ARMH4: variants seen among roughly 807,000 people sequenced by gnomAD.
The protein encoded by ARMH4 is armadillo like helical domain containing 4.
Under a neutral mutation model 61.9 loss-of-function variants are expected in ARMH4, and 49 were observed. The observed-to-expected ratio is 0.79, with a 90% CI of 0.63 to 1.00. The LOEUF is 1.00. ARMH4 is among the 50% of genes least tolerant of loss of function. The probability of loss-of-function intolerance (pLI) is 0.00; values close to 1 mark genes in which losing one functional copy is unlikely to be tolerated. For synonymous variants in ARMH4, 368 were observed against 341.5 expected (o/e 1.08, Z -0.85); for missense variants, 934 against 930.0 (o/e 1.00, Z -0.06).
At position 58,149,079 on chromosome 14, in the gene ARMH4, C is replaced by T. The variant is rs1233654376; in HGVS notation, c.-57+2996G>A. ...CTTTGTCCTTTTCATGACCATTCCT[C>T]AATGATTAATTTATCATTGTCTTAC... is the stretch of plus-strand genomic sequence containing the variant. On this transcript the variant is annotated intron_variant, in intron 1 of 7. Coordinates refer to ENST00000267485, the MANE Select transcript of ARMH4 (RefSeq NM_001001872.4). Among the ~76,000 whole-genome samples, 4 of 152,174 alleles carry T rather than the reference C, an allele frequency of 2.6e-5. No individual in the cohort carries two copies. In the South Asian group the frequency reaches 6.2e-4, roughly 24 times the overall value.
intron 5 of ARMH4, among the ~76,000 whole-genome samples, chr14:58,067,634 G>GACCT (rs1430142482): frequency 6.6e-6 from 1 of 152,192 alleles, no homozygotes; most frequent in Non-Finnish European, 1.5e-5. Flanking sequence ...CAGAGCCAGA[G>GACCT]ACCTATCCAC....
intron 5 of ARMH4, among the ~76,000 whole-genome samples, chr14:58,092,961 C>G (rs1435702575): frequency 6.6e-6 from 1 of 151,928 alleles, no homozygotes; most frequent in Non-Finnish European, 1.5e-5. Flanking sequence ...AATTGTAGTT[C>G]CCATAATCCC....
intron 5 of ARMH4, among the ~76,000 whole-genome samples, chr14:58,088,409 C>A (rs908747316): frequency 1.3e-5 from 2 of 151,374 alleles, no homozygotes; most frequent in African/African-American, 4.9e-5. Flanking sequence ...AGGCAGAGAT[C>A]ATTATCTCTG....
chr14:58,074,303 G>T (rs918704288), intron 5 of ARMH4, among the ~76,000 whole-genome samples: 7 of 152,018 alleles, frequency 4.6e-5, no homozygotes, highest in African/African-American at 1.7e-4. Flanking sequence ...TTTGACAAGT[G>T]GAGTTGTACC....
At chr14:58,106,664 G>A (rs978877836) in intron 4 of ARMH4, among the ~76,000 whole-genome samples, 5 of 152,176 alleles carry the variant, frequency 3.3e-5, no homozygotes, top group East Asian at 1.9e-4. Flanking sequence ...AGCCCACGAC[G>A]ATACTTTGTA....
chr14:58,099,518 T>C lies in ARMH4; in HGVS notation c.1832-2537A>G, dbSNP rs981639425. Among the ~76,000 whole-genome samples the C allele has an allele frequency of 2.6e-5, 4 of 152,234 alleles. No individual in the cohort carries two copies. In the East Asian group the frequency reaches 7.7e-4, roughly 29 times the overall value. On this transcript the variant is annotated intron_variant, in intron 4 of 7. Transcript: ENST00000267485. ...CGGGGGACCTTGACAAAAGTTGTTTTGGAGGAATGATATAGACAAAGGCCA... is the reference window on the plus strand; with the variant it reads ...CGGGGGACCTTGACAAAAGTTGTTTCGGAGGAATGATATAGACAAAGGCCA...
chr14:58,075,315 T>C (rs969551875), intron 5 of ARMH4, among the ~76,000 whole-genome samples: 2 of 152,190 alleles, frequency 1.3e-5, no homozygotes, highest in African/African-American at 4.8e-5. Flanking sequence ...CATATGTTTA[T>C]TGCGGCACTG....
At chr14:58,126,549 A>T (rs758040798) in intron 4 of ARMH4, among the ~76,000 whole-genome samples, 1 of 152,246 alleles carries the variant, frequency 6.6e-6, no homozygotes, top group Non-Finnish European at 1.5e-5. Flanking sequence ...AGGCAGGAAA[A>T]TGGATATCTC....
rs530050065 is a variant in ARMH4, at chr14:58,098,658, T to C, written c.1832-1677A>G. 1.2e-4 allele frequency among the ~76,000 whole-genome samples: 18 copies of C among 152,230 alleles called. 1 individual carries two copies. The highest frequency in any genetic ancestry group is 4.1e-4 in the African/African-American group (17 of 41,542). On this transcript the variant is annotated intron_variant, in intron 4 of 7. Transcript: ENST00000267485. The stretch of plus-strand genomic sequence containing the variant: ...AGTGGAGGAAATGGCAAGGACCTAA[T>C]CCTTGAGGCAGGTGTGGCCTCGCTG...
At chr14:58,080,399 G>T (rs1566570898) in intron 5 of ARMH4, among the ~76,000 whole-genome samples, 1 of 152,160 alleles carries the variant, frequency 6.6e-6, no homozygotes, top group Non-Finnish European at 1.5e-5. Context: ...AAACTGCTGG[G>T]ATTACAGGTG....
chr14:58,094,864 TG>T (rs1263094396), intron 5 of ARMH4, among the ~76,000 whole-genome samples: 1 of 152,144 alleles, frequency 6.6e-6, no homozygotes, highest in African/African-American at 2.4e-5. Context: ...ATGATTGTGA[TG>T]GGGGTTGCAT....
At chr14:58,051,822 A>G (rs965563440) in intron 5 of ARMH4, among the ~76,000 whole-genome samples, 3 of 152,186 alleles carry the variant, frequency 2.0e-5, no homozygotes, top group Admixed American at 6.5e-5. Flanking sequence ...CAGGAAGAAC[A>G]AGGTGACAGT....
At chr14:58,019,342 A>T in intron 5 of ARMH4, among the ~76,000 whole-genome samples, 1 of 152,180 alleles carries the variant, frequency 6.6e-6, no homozygotes, top group East Asian at 1.9e-4. Flanking sequence ...CATATTTCAA[A>T]ACATCATGTT....
chr14:58,144,873 A>C (rs1053679404), intron 1 of ARMH4, among the ~76,000 whole-genome samples: 3 of 152,162 alleles, frequency 2.0e-5, no homozygotes, highest in African/African-American at 4.8e-5. Flanking sequence ...ATCTCAAAAA[A>C]AAACAAACAA....
intron 5 of ARMH4, among the ~76,000 whole-genome samples, chr14:58,050,190 T>C (rs2141198671): frequency 6.6e-6 from 1 of 152,328 alleles, no homozygotes; most frequent in East Asian, 1.9e-4. Flanking sequence ...TGCGTTGCTC[T>C]TTCAACTGGG....
At chr14:58,085,529 T>C (rs960573208) in intron 5 of ARMH4, among the ~76,000 whole-genome samples, 9 of 152,186 alleles carry the variant, frequency 5.9e-5, no homozygotes, top group Non-Finnish European at 1.2e-4. Flanking sequence ...GGTTATTTTC[T>C]GGATTAGTTC....
intron 1 of ARMH4, among the ~76,000 whole-genome samples, chr14:58,147,748 C>A (rs1887782318): frequency 6.6e-6 from 1 of 152,132 alleles, no homozygotes; most frequent in Non-Finnish European, 1.5e-5. Context: ...ATGAGGTATA[C>A]TGTCGTTATT....
rs1269838682 is a variant in ARMH4, at chr14:58,149,997, C to T, written c.-57+2078G>A. The stretch of plus-strand genomic sequence containing the variant: ...ACTTTCATGGAGCTTCTCCTTTCAG[C>T]TTTATCATGTAGACAATGTGACCTG... On this transcript the variant is annotated intron_variant, in intron 1 of 7. Transcript: ENST00000267485. Among the ~76,000 whole-genome samples the T allele has an allele frequency of 2.6e-5, 4 of 152,140 alleles. No individual in the cohort carries two copies. In the East Asian group the frequency reaches 7.7e-4, roughly 29 times the overall value.
chr14:58,120,261 C>G (rs1300847935), intron 4 of ARMH4, among the ~76,000 whole-genome samples: 1 of 152,056 alleles, frequency 6.6e-6, no homozygotes, highest in East Asian at 1.9e-4. Flanking sequence ...GGACCACTAT[C>G]ATATATGAGG....
Sources: gnomAD v4.1 joint callset for allele counts (sites outside exome capture counted in the v4.1 genomes callset) on GRCh38, gnomAD v4.1.1 for gene constraint, MANE v1.5 for transcripts, NCBI Gene and HGNC (gene_info 2026-07-23, HGNC 2026-07-21) for gene names.